GRIK4: variants seen among roughly 807,000 people sequenced by gnomAD.
GRIK4 encodes the protein glutamate ionotropic receptor kainate type subunit 4, also known as glutamate receptor ionotropic, kainate 4.
A neutral mutation model predicts 104.9 loss-of-function variants in GRIK4; 40 were observed. The observed-to-expected ratio is 0.38, with a 90% CI of 0.30 to 0.50. The LOEUF (loss-of-function observed/expected upper bound fraction) is 0.50. Among genes scored for constraint, GRIK4 ranks in the 20% least tolerant of loss-of-function variants. The probability of loss-of-function intolerance (pLI) is 0.93; values close to 1 mark genes in which losing one functional copy is unlikely to be tolerated. For synonymous variants in GRIK4, 485 were observed against 524.9 expected (o/e 0.92, Z 1.04); for missense variants, 1,047 against 1,308.1 (o/e 0.80, Z 3.08).
rs1944020359 is a variant in GRIK4, at chr11:120,952,295, C to T, written c.1591-560C>T. 6.6e-6 allele frequency among the ~76,000 whole-genome samples: 1 copy of T among 152,170 alleles called. No individual in the cohort carries two copies. The highest frequency in any genetic ancestry group is 2.4e-5 in the African/African-American group (1 of 41,436). ...CCTCGGGCACATCTCTGACTGCCCT[C>T]GGCTTTGGCTTCTTCACTTGTAAAA... On this transcript the variant is annotated intron_variant, in intron 14 of 20. Coordinates refer to ENST00000527524, the MANE Select transcript of GRIK4 (RefSeq NM_014619.5). The surrounding 1 kb of genome is among the most constrained non-coding windows in gnomAD (Gnocchi z 5.2).
intron 19 of GRIK4, among the ~76,000 whole-genome samples, chr11:120,973,983 C>T (rs1307902452): frequency 6.6e-6 from 1 of 152,054 alleles, no homozygotes; most frequent in East Asian, 1.9e-4. Context: ...TCTTGACTCA[C>T]TGCAACCTTC....
intron 3 of GRIK4, among the ~76,000 whole-genome samples, chr11:120,729,094 C>G (rs1174065539): frequency 6.6e-6 from 1 of 152,148 alleles, no homozygotes; most frequent in Non-Finnish European, 1.5e-5. Context: ...ATAATATTAT[C>G]TCATTTTTTA....
chr11:120,860,679 C>G (rs1386036094), intron 8 of GRIK4, among the ~76,000 whole-genome samples: 1 of 152,216 alleles, frequency 6.6e-6, no homozygotes, highest in East Asian at 1.9e-4. Flanking sequence ...TCATCCATAT[C>G]CTCCATGCCT....
chr11:120,800,676 A>G (rs1952605619), intron 3 of GRIK4, among the ~76,000 whole-genome samples: 2 of 152,206 alleles, frequency 1.3e-5, no homozygotes, highest in South Asian at 2.1e-4. Flanking sequence ...TTATTATTCA[A>G]TGAAGTTATG....
intron 1 of GRIK4, among the ~76,000 whole-genome samples, chr11:120,611,311 C>A (rs1949034962): frequency 6.6e-6 from 1 of 152,092 alleles, no homozygotes; most frequent in African/African-American, 2.4e-5. Context: ...TCTCTTCGGG[C>A]CTTAGTATCT....
intron 2 of GRIK4, among the ~76,000 whole-genome samples, chr11:120,659,257 G>A (rs1949772211): frequency 1.3e-5 from 2 of 152,138 alleles, no homozygotes; most frequent in South Asian, 4.2e-4. Flanking sequence ...ACCTCAGGAA[G>A]GAGGAGAGGG....
intron 1 of GRIK4, among the ~76,000 whole-genome samples, chr11:120,536,608 G>C (rs774434781): frequency 6.6e-5 from 10 of 152,162 alleles, no homozygotes; most frequent in Admixed American, 5.9e-4. Flanking sequence ...TTGGGTCTCT[G>C]GTGCCAGAGG....
intron 1 of GRIK4, among the ~76,000 whole-genome samples, chr11:120,598,453 AC>A: frequency 6.6e-6 from 1 of 152,184 alleles, no homozygotes; most frequent in Middle Eastern, 3.4e-3. Context: ...GAACCTGCCC[AC>A]CCCCTGAGGA....
chr11:120,811,741 A>G (rs1952833162), intron 4 of GRIK4, among the ~76,000 whole-genome samples: 1 of 152,242 alleles, frequency 6.6e-6, no homozygotes, highest in African/African-American at 2.4e-5. Flanking sequence ...TTTTAATACT[A>G]TTATAAACTG....
At chr11:120,749,598 G>A (rs1338356713) in intron 3 of GRIK4, among the ~76,000 whole-genome samples, 2 of 152,194 alleles carry the variant, frequency 1.3e-5, no homozygotes, top group Non-Finnish European at 2.9e-5. Context: ...AAAAGGCCTG[G>A]GTTCGTCCAG....
At chr11:120,919,712 CT>C (rs1943186360) in intron 13 of GRIK4, among the ~76,000 whole-genome samples, 1 of 152,074 alleles carries the variant, frequency 6.6e-6, no homozygotes, top group Non-Finnish European at 1.5e-5. Context: ...CAAAGGAAGG[CT>C]TTAATGATGG....
At chr11:120,875,762 C>T (rs1160138019) in intron 11 of GRIK4, among the ~76,000 whole-genome samples, 1 of 152,138 alleles carries the variant, frequency 6.6e-6, no homozygotes, top group Non-Finnish European at 1.5e-5. Flanking sequence ...ATGCCTTGTC[C>T]TTCATAGTTC....
chr11:120,938,426 C>A (rs750290603), intron 13 of GRIK4, among the ~76,000 whole-genome samples: 1 of 152,198 alleles, frequency 6.6e-6, no homozygotes, highest in South Asian at 2.1e-4. Flanking sequence ...GATGACCTCA[C>A]CATATAAGGC....
chr11:120,899,868 C>T lies in GRIK4; in HGVS notation c.1272+1229C>T, dbSNP rs148852593. Among the ~76,000 whole-genome samples the T allele has an allele frequency of 1.1e-3, 172 of 152,276 alleles. 2 individuals carry two copies. The highest frequency in any genetic ancestry group is 3.7e-3 in the African/African-American group (155 of 41,532). ...AGAGCAAAGAGGCGATGCATGAGTT[C>T]GCCTCCTCAGCCTTATCATTGCTAA... is the stretch of plus-strand genomic sequence containing the variant. On this transcript the variant is annotated intron_variant, in intron 12 of 20. Transcript: ENST00000527524.
chr11:120,626,090 G>T (rs529039143), intron 1 of GRIK4, among the ~76,000 whole-genome samples: 1 of 152,316 alleles, frequency 6.6e-6, no homozygotes, highest in East Asian at 1.9e-4. Context: ...CAGATTCAAA[G>T]TGTCCCCCCG....
chr11:120,725,988 A>C (rs962579073), intron 3 of GRIK4, among the ~76,000 whole-genome samples: 2 of 152,216 alleles, frequency 1.3e-5, no homozygotes, highest in African/African-American at 2.4e-5. Flanking sequence ...CTAAGGCAAA[A>C]TAGGTAGCAC....
intron 3 of GRIK4, among the ~76,000 whole-genome samples, chr11:120,710,134 T>C (rs1950701255): frequency 6.6e-6 from 1 of 152,168 alleles, no homozygotes; most frequent in African/African-American, 2.4e-5. Context: ...CGTCAGATCT[T>C]AAGTCCTGGA....
intron 6 of GRIK4, among the ~76,000 whole-genome samples, chr11:120,827,308 C>G (rs1461507631): frequency 1.3e-5 from 2 of 152,218 alleles, no homozygotes; most frequent in African/African-American, 4.8e-5. Context: ...CCCCTGCCTT[C>G]CAGTTCCAGA....
intron 14 of GRIK4, among the ~76,000 whole-genome samples, chr11:120,945,056 C>A (rs2134662433): frequency 6.6e-6 from 1 of 152,178 alleles, no homozygotes; most frequent in East Asian, 1.9e-4. Context: ...CATTCACCAG[C>A]TGCCCATCAC....
Sources: allele counts gnomAD v4.1 joint callset (sites outside exome capture counted in the v4.1 genomes callset), GRCh38; gene constraint gnomAD v4.1.1; non-coding constraint Gnocchi (gnomAD v3.1); transcripts MANE v1.5; gene names NCBI Gene and HGNC (gene_info 2026-07-23, HGNC 2026-07-21).